The following STXBP5L variants were observed in gnomAD, a reference collection of about 807,000 sequenced individuals.
The protein encoded by STXBP5L is syntaxin binding protein 5L.
In STXBP5L, 65 loss-of-function variants were observed where a neutral mutation model predicts 144.5. The ratio of observed to expected loss-of-function variants is 0.45; its 90% confidence interval spans 0.37 to 0.55. STXBP5L has a LOEUF of 0.55. STXBP5L is among the 20% of genes least tolerant of loss of function. The pLI is 0.00. For synonymous variants in STXBP5L, 505 were observed against 469.6 expected (o/e 1.08, Z -0.97); for missense variants, 1,298 against 1,405.5 (o/e 0.92, Z 1.22).
chr3:121,154,445 C>G (rs184226607), intron 8 of STXBP5L, among the ~76,000 whole-genome samples: 85 of 151,824 alleles, frequency 5.6e-4, no homozygotes, highest in African/African-American at 1.9e-3. Context: ...AAACCTGTGG[C>G]TTTACCTCAG....
At chr3:121,008,323 A>G (rs938754232) in intron 3 of STXBP5L, among the ~76,000 whole-genome samples, 1 of 152,002 alleles carries the variant, frequency 6.6e-6, no homozygotes, top group Non-Finnish European at 1.5e-5. Flanking sequence ...AAAGTATCCA[A>G]GTGGTAGCCT....
At chr3:121,003,777 G>T (rs371806682) in intron 3 of STXBP5L, among the ~76,000 whole-genome samples, 3 of 151,870 alleles carry the variant, frequency 2.0e-5, no homozygotes, top group South Asian at 2.1e-4. Context: ...ATATGGCTAG[G>T]CAGTTTTCCC....
chr3:121,116,436 G>C (rs1435582128), intron 6 of STXBP5L, among the ~76,000 whole-genome samples: 1 of 152,036 alleles, frequency 6.6e-6, no homozygotes, highest in Non-Finnish European at 1.5e-5. Context: ...TTTTATTAAT[G>C]ATAATTCTTT....
chr3:121,301,278 G>A (rs2051892398), intron 19 of STXBP5L, among the ~76,000 whole-genome samples: 1 of 152,104 alleles, frequency 6.6e-6, no homozygotes, highest in Non-Finnish European at 1.5e-5. Context: ...TTGTAAGTTG[G>A]ATTCCTAGGT....
chr3:121,253,603 A>T (rs548469728), intron 15 of STXBP5L, among the ~76,000 whole-genome samples: 1 of 148,020 alleles, frequency 6.8e-6, no homozygotes, highest in Non-Finnish European at 1.5e-5. Flanking sequence ...ATATATGTGT[A>T]TATATATGTA....
chr3:121,376,081 G>A (rs904144494), intron 20 of STXBP5L, among the ~76,000 whole-genome samples: 2 of 152,156 alleles, frequency 1.3e-5, no homozygotes, highest in African/African-American at 2.4e-5. Context: ...GAACAAGACC[G>A]ACAATCGTAA....
At position 121,297,893 on chromosome 3, in the gene STXBP5L, T is replaced by C. The variant is rs535195009; in HGVS notation, c.2110+17937T>C. On this transcript the variant is annotated intron_variant, in intron 19 of 26. Transcript: ENST00000471454. ...AAAATAAAATATGTGAAATTAAAAG[T>C]TCATGGTTGTTTCTTAGCTGTTAAT... 2.6e-5 allele frequency among the ~76,000 whole-genome samples: 4 copies of C among 152,334 alleles called. No homozygotes were observed. In the South Asian group the frequency reaches 6.2e-4, roughly 24 times the overall value.
At chr3:120,972,511 G>T (rs1357985865) in intron 3 of STXBP5L, among the ~76,000 whole-genome samples, 2 of 152,048 alleles carry the variant, frequency 1.3e-5, no homozygotes, top group Non-Finnish European at 2.9e-5. Flanking sequence ...TATGTCATCA[G>T]TGAACAGAGA....
At chr3:121,186,447 G>A (rs1461271182) in intron 9 of STXBP5L, among the ~76,000 whole-genome samples, 1 of 152,080 alleles carries the variant, frequency 6.6e-6, no homozygotes, top group Non-Finnish European at 1.5e-5. Context: ...AGGTAGCTCT[G>A]ATTATTTTGA....
intron 2 of STXBP5L, among the ~76,000 whole-genome samples, chr3:120,928,637 A>AGT (rs1471126860): frequency 8.7e-6 from 1 of 114,520 alleles, no homozygotes; most frequent in East Asian, 2.2e-4. Context: ...TATGGTATAC[A>AGT]GAGTGTGTGT....
intron 14 of STXBP5L, among the ~76,000 whole-genome samples, chr3:121,250,339 C>G (rs1402123268): frequency 6.6e-6 from 1 of 151,922 alleles, no homozygotes; most frequent in East Asian, 1.9e-4. Context: ...TGAAACTTAA[C>G]TGAATTTTAC....
At chr3:121,151,883 CATG>C (rs1352820711) in intron 7 of STXBP5L, among the ~76,000 whole-genome samples, 3 of 151,894 alleles carry the variant, frequency 2.0e-5, no homozygotes, top group Non-Finnish European at 4.4e-5. Context: ...ATATTATAAT[CATG>C]ATATGTTCTA....
chr3:121,086,601 A>G (rs558493073), intron 5 of STXBP5L, among the ~76,000 whole-genome samples: 7 of 152,242 alleles, frequency 4.6e-5, no homozygotes, highest in African/African-American at 1.7e-4. Flanking sequence ...AAAATGTTTG[A>G]GACCAGAAGT....
Position 121,254,909 on chromosome 3 carries a change from C to T in STXBP5L, c.1456C>T (p.Leu486=), listed in dbSNP as rs751583842. The change falls in exon 16 of 27, where the codon CTG becomes TTG. Residue 486 remains leucine, a synonymous_variant. Transcript: ENST00000471454. ...WDASAITLQM[L]YKLKTSKVFE... ...ATGTCTTATAGTAACTCTGCAGATG[C>T]TGTACAAGCTAAAAACTTCAAAAGT... 1 of 1,611,644 alleles carries T rather than the reference C, an allele frequency of 6.2e-7. No homozygotes were observed. The highest frequency in any genetic ancestry group is 1.7e-5 in the Admixed American group (1 of 59,726).
At chr3:121,015,898 C>G (rs1230160972) in intron 3 of STXBP5L, among the ~76,000 whole-genome samples, 4 of 152,094 alleles carry the variant, frequency 2.6e-5, no homozygotes, top group African/African-American at 9.7e-5. Flanking sequence ...CCCATTATAT[C>G]AAGACTGAGA....
intron 22 of STXBP5L, among the ~76,000 whole-genome samples, chr3:121,399,189 G>A (rs2046809627): frequency 6.6e-6 from 1 of 152,084 alleles, no homozygotes; most frequent in South Asian, 2.1e-4. Flanking sequence ...TTCCAAGGTG[G>A]AATGAACCAG....
At chr3:121,367,994 T>G (rs1212459718) in intron 20 of STXBP5L, among the ~76,000 whole-genome samples, 1 of 152,064 alleles carries the variant, frequency 6.6e-6, no homozygotes, top group Non-Finnish European at 1.5e-5. Flanking sequence ...ATTGAGCTTC[T>G]TGGTTGTTTA....
chr3:121,372,250 GGT>G (rs920405485), intron 20 of STXBP5L, among the ~76,000 whole-genome samples: 4 of 152,126 alleles, frequency 2.6e-5, no homozygotes, highest in African/African-American at 9.7e-5. Flanking sequence ...AAGACTGAGG[GGT>G]GCTTAGGTCA....
intron 3 of STXBP5L, among the ~76,000 whole-genome samples, chr3:120,966,990 C>A (rs1177693215): frequency 6.6e-6 from 1 of 152,130 alleles, no homozygotes; most frequent in Admixed American, 6.5e-5. Flanking sequence ...TTTACCTACT[C>A]AAGCTTCAGC....
Sources: allele counts gnomAD v4.1 joint callset (sites outside exome capture counted in the v4.1 genomes callset), GRCh38; gene constraint gnomAD v4.1.1; transcripts MANE v1.5; gene names NCBI Gene and HGNC (gene_info 2026-07-23, HGNC 2026-07-21).